The following GSE1 variants were observed in gnomAD, a reference collection of about 807,000 sequenced individuals.
GSE1 encodes the protein Gse1 coiled-coil protein.
Under a neutral mutation model 112.6 loss-of-function variants are expected in GSE1, and 32 were observed. The observed-to-expected ratio is 0.28, with a 90% CI of 0.21 to 0.38. The LOEUF is 0.38. Among genes scored for constraint, GSE1 ranks in the 10% least tolerant of loss-of-function variants. The probability of loss-of-function intolerance (pLI) is 1.00; values close to 1 mark genes in which losing one functional copy is unlikely to be tolerated. For synonymous variants in GSE1, 1,115 were observed against 735.6 expected, an observed-to-expected ratio of 1.52 and a Z score of -8.35; for missense variants, 2,348 against 1,699.2, an observed-to-expected ratio of 1.38 and a Z score of -6.71.
intron 1 of GSE1, among the ~76,000 whole-genome samples, chr16:85,339,893 T>A (rs970859945): frequency 6.6e-5 from 10 of 152,192 alleles, no homozygotes; most frequent in African/African-American, 2.4e-4. Flanking sequence ...GATCTTTCCC[T>A]GTCTTACTCA....
intron 3 of GSE1, among the ~76,000 whole-genome samples, chr16:85,650,429 G>C (rs545455038): frequency 6.6e-6 from 1 of 152,166 alleles, no homozygotes; most frequent in African/African-American, 2.4e-5. Context: ...TGGACCAGGA[G>C]CTTCTACCAG....
At chr16:85,271,523 A>T (rs565152593) in intron 1 of GSE1, among the ~76,000 whole-genome samples, 1 of 152,286 alleles carries the variant, frequency 6.6e-6, no homozygotes, top group East Asian at 1.9e-4. Context: ...GGCATCCCCA[A>T]AGCCCGAATC....
At chr16:85,175,503 T>C (rs1434723080) in intron 1 of GSE1, among the ~76,000 whole-genome samples, 1 of 152,212 alleles carries the variant, frequency 6.6e-6, no homozygotes, top group Non-Finnish European at 1.5e-5. Flanking sequence ...TGGAACCGAG[T>C]GAGCCGGCCT....
chr16:85,337,441 G>C (rs1301691311), intron 1 of GSE1, among the ~76,000 whole-genome samples: 1 of 151,822 alleles, frequency 6.6e-6, no homozygotes, highest in African/African-American at 2.4e-5. Flanking sequence ...GAGTAGCTGG[G>C]ACTACAGGCG....
chr16:85,663,131 G>A (rs202159845), intron 10 of GSE1, 38 bp downstream of exon 10: 3 of 1,429,292 alleles, frequency 2.1e-6, no homozygotes, highest in African/African-American at 1.4e-5. Context: ...GCTCTGGGCT[G>A]GGCTCTCGTT....
intron 1 of GSE1, among the ~76,000 whole-genome samples, chr16:85,614,773 G>GC (rs1235668970): frequency 6.6e-6 from 1 of 152,240 alleles, no homozygotes; most frequent in Non-Finnish European, 1.5e-5. Flanking sequence ...CCGCTGCGGT[G>GC]CCTTATCTGG....
intron 2 of GSE1, among the ~76,000 whole-genome samples, chr16:85,437,697 A>T (rs573372061): frequency 1.3e-5 from 2 of 152,196 alleles, no homozygotes; most frequent in Admixed American, 6.5e-5. Flanking sequence ...TTCCCCACTT[A>T]AAAAAGTCAA....
intron 1 of GSE1, among the ~76,000 whole-genome samples, chr16:85,312,479 C>T (rs1250685987): frequency 2.0e-5 from 3 of 152,184 alleles, no homozygotes; most frequent in Non-Finnish European, 4.4e-5. Flanking sequence ...TTCACGTGGC[C>T]TCCTCACTCT....
chr16:85,372,074 G>C lies in GSE1; in HGVS notation c.2464+14431G>C, dbSNP rs534068433. 3.9e-5 allele frequency among the ~76,000 whole-genome samples: 6 copies of C among 152,314 alleles called. No individual in the cohort carries two copies. In the South Asian group the frequency reaches 1.2e-3, roughly 32 times the overall value. On this transcript the variant is annotated intron_variant, in intron 2 of 2. Coordinates refer to the GSE1 transcript ENST00000637419. ...GGTGCTCCTAGTTCCCTTACCAGGT[G>C]GGGTGTAAGCGGCTTCTCACCCTCC...
intron 3 of GSE1, among the ~76,000 whole-genome samples, chr16:85,650,286 A>AG (rs2051225236): frequency 6.6e-6 from 1 of 151,682 alleles, no homozygotes. Flanking sequence ...GCCGCCCCCC[A>AG]GGGCCAGCCT....
At chr16:85,191,432 A>G (rs1290814629) in intron 1 of GSE1, among the ~76,000 whole-genome samples, 1 of 152,148 alleles carries the variant, frequency 6.6e-6, no homozygotes, top group East Asian at 1.9e-4. Context: ...AAGAAACCCC[A>G]TTCTGCCTGG....
chr16:85,316,693 C>A lies in GSE1; in HGVS notation c.2284-40770C>A, dbSNP rs547303155. Among the ~76,000 whole-genome samples the A allele has an allele frequency of 2.6e-5, 4 of 152,340 alleles. No individual in the cohort carries two copies. In the South Asian group the frequency reaches 6.2e-4, roughly 24 times the overall value. ...TGGGGGCTGCACATCAGCCAGTGGC[C>A]TCTGCAGTAGATCGAGTCCCAACCC... On this transcript the variant is annotated intron_variant, in intron 1 of 2. Coordinates refer to the GSE1 transcript ENST00000637419.
intron 2 of GSE1, among the ~76,000 whole-genome samples, chr16:85,366,266 C>T (rs2151589161): frequency 6.6e-6 from 1 of 152,364 alleles, no homozygotes; most frequent in Non-Finnish European, 1.5e-5. Context: ...CTCCGGAGGG[C>T]ACGGGGGGCT....
At chr16:85,524,758 G>A (rs953937704) in intron 2 of GSE1, among the ~76,000 whole-genome samples, 1 of 152,144 alleles carries the variant, frequency 6.6e-6, no homozygotes, top group Non-Finnish European at 1.5e-5. Flanking sequence ...AGGGGCATCT[G>A]ATGGCCTCAT....
upstream of GSE1, among the ~76,000 whole-genome samples, chr16:85,611,770 G>A (rs953507581): frequency 1.3e-5 from 2 of 151,962 alleles, no homozygotes; most frequent in African/African-American, 2.4e-5. Context: ...GGCCCCGAAC[G>A]CTCTAGGCCC....
At chr16:85,665,494 C>G (rs962307851) in intron 12 of GSE1, among the ~76,000 whole-genome samples, 4 of 152,236 alleles carry the variant, frequency 2.6e-5, no homozygotes, top group African/African-American at 9.6e-5. Flanking sequence ...CAGCCTGGTC[C>G]TGCCACTAGC....
chr16:85,207,772 G>T (rs748302242), intron 1 of GSE1: 4 of 152,286 alleles, frequency 2.6e-5, no homozygotes, highest in Non-Finnish European at 5.9e-5. Flanking sequence ...ACCTCTCTGG[G>T]TCGCCACTGA....
rs2075342967 is a variant in GSE1, at chr16:85,218,700, A to T, written c.2283+46893A>T. ...ACGGGCCCAGCTCTGCGCCTGGCTC[A>T]CCCATGACCTGCCTTCTGCAGGTCC... On this transcript the variant is annotated intron_variant, in intron 1 of 2. Transcript: ENST00000637419. Among the ~76,000 whole-genome samples the T allele has an allele frequency of 2.0e-5, 3 of 152,208 alleles. No homozygotes were observed. The South Asian group carries it at 6.2e-4, about 31-fold the overall frequency.
chr16:85,463,983 G>A (rs1316738450), intron 2 of GSE1, among the ~76,000 whole-genome samples: 3 of 152,126 alleles, frequency 2.0e-5, no homozygotes, highest in Non-Finnish European at 4.4e-5. Flanking sequence ...AATGGGCGGG[G>A]ACGCTGGCCT....
Sources: gnomAD v4.1 joint callset for allele counts (sites outside exome capture counted in the v4.1 genomes callset) on GRCh38, gnomAD v4.1.1 for gene constraint, MANE v1.5 for transcripts, NCBI Gene and HGNC (gene_info 2026-07-23, HGNC 2026-07-21) for gene names.